The following TRPC4 variants were observed in gnomAD, a reference collection of about 807,000 sequenced individuals.
TRPC4 encodes the protein transient receptor potential cation channel subfamily C member 4.
Under a neutral mutation model 99.4 loss-of-function variants are expected in TRPC4, and 49 were observed. The observed-to-expected ratio is 0.49, with a 90% CI of 0.39 to 0.63. The LOEUF is 0.63. Among genes scored for constraint, TRPC4 ranks in the 20% least tolerant of loss-of-function variants. The pLI is 0.00. For missense variants in TRPC4, 898 were observed against 1,152.9 expected (o/e 0.78, Z 3.20); for synonymous variants, 454 against 425.9 (o/e 1.07, Z -0.81).
chr13:37,728,516 G>A (rs1226767434), intron 3 of TRPC4, among the ~76,000 whole-genome samples: 1 of 151,966 alleles, frequency 6.6e-6, no homozygotes, highest in Non-Finnish European at 1.5e-5. Context: ...TGAAACATTG[G>A]TGGAGGAAAT....
intron 3 of TRPC4, among the ~76,000 whole-genome samples, chr13:37,703,904 T>C (rs1429095660): frequency 6.6e-6 from 1 of 152,078 alleles, no homozygotes; most frequent in Non-Finnish European, 1.5e-5. Flanking sequence ...TAAAAACACT[T>C]GACTACAAAT....
intron 3 of TRPC4, among the ~76,000 whole-genome samples, chr13:37,710,818 G>A (rs1477201263): frequency 6.6e-6 from 1 of 151,768 alleles, no homozygotes; most frequent in African/African-American, 2.4e-5. Context: ...TTTCAATTAG[G>A]AAAGGGAAAA....
In TRPC4 at chr13:37,663,598, C is replaced by T. The variant is rs1178802875; in HGVS notation, c.1506G>A (p.Leu502=). 1 of 1,613,982 alleles carries T rather than the reference C, an allele frequency of 6.2e-7. No individual in the cohort carries two copies. The highest frequency in any genetic ancestry group is 8.5e-7 in the Non-Finnish European group (1 of 1,180,010). ...TTCCCAGAGATATTTGCAGAGGTCCCAGGTGAGAATTTGCAGTAAACAGTG... is the reference window on the plus strand; with the variant it reads ...TTCCCAGAGATATTTGCAGAGGTCCTAGGTGAGAATTTGCAGTAAACAGTG... ...LISLFTANSH[L]GPLQISLGRM... Residue 502 remains leucine, a synonymous_variant, in exon 6 of 11, where the codon CTG becomes CTA. Coordinates refer to ENST00000379705, the MANE Select transcript of TRPC4 (RefSeq NM_016179.4).
chr13:37,825,547 G>A (rs1218733133), intron 1 of TRPC4, among the ~76,000 whole-genome samples: 1 of 151,010 alleles, frequency 6.6e-6, no homozygotes, highest in Non-Finnish European at 1.5e-5. Flanking sequence ...AGTCATTCAG[G>A]AGCAGGTTGT....
chr13:37,671,859 G>A (rs1219273445), intron 5 of TRPC4, among the ~76,000 whole-genome samples: 1 of 152,080 alleles, frequency 6.6e-6, no homozygotes, highest in Admixed American at 6.5e-5. Flanking sequence ...CTTCAGAAAG[G>A]ACATGTTGTA....
chr13:37,811,646 T>C (rs1593796855), intron 1 of TRPC4, among the ~76,000 whole-genome samples: 1 of 152,138 alleles, frequency 6.6e-6, no homozygotes, highest in South Asian at 2.1e-4. Flanking sequence ...CACATACATA[T>C]AAGGAATTAC....
At chr13:37,854,785 A>G (rs779222601) in intron 1 of TRPC4, 2 of 152,056 alleles carry the variant, frequency 1.3e-5, no homozygotes, top group African/African-American at 4.8e-5. Flanking sequence ...AACTTAAATC[A>G]TAACACCATA....
At chr13:37,842,671 A>C (rs542360279) in intron 1 of TRPC4, among the ~76,000 whole-genome samples, 2 of 152,246 alleles carry the variant, frequency 1.3e-5, no homozygotes, top group East Asian at 3.9e-4. Flanking sequence ...CTCTCTAGGG[A>C]ACTTTTGTAA....
chr13:37,751,227 G>A (rs1955924470), intron 2 of TRPC4, among the ~76,000 whole-genome samples: 1 of 152,028 alleles, frequency 6.6e-6, no homozygotes, highest in South Asian at 2.1e-4. Context: ...GTATCCTCCG[G>A]AGCTCCTGTT....
chr13:37,849,668 T>C (rs977085479), intron 1 of TRPC4, among the ~76,000 whole-genome samples: 5 of 152,130 alleles, frequency 3.3e-5, no homozygotes, highest in African/African-American at 7.2e-5. Context: ...CTGGAAGGGA[T>C]TGTGGAAAAC....
chr13:37,679,162 G>A (rs866072633), intron 4 of TRPC4, among the ~76,000 whole-genome samples: 3 of 151,918 alleles, frequency 2.0e-5, no homozygotes, highest in Admixed American at 2.0e-4. Flanking sequence ...GCAATAAATG[G>A]GCATGAATGT....
At chr13:37,648,291 T>A (rs1289957951) in intron 8 of TRPC4, among the ~76,000 whole-genome samples, 1 of 152,190 alleles carries the variant, frequency 6.6e-6, no homozygotes. Flanking sequence ...TACCTATCAT[T>A]TATTTTCATA....
intron 1 of TRPC4, among the ~76,000 whole-genome samples, chr13:37,785,130 A>C (rs539752572): frequency 2.0e-5 from 3 of 152,242 alleles, no homozygotes; most frequent in Admixed American, 6.6e-5. Flanking sequence ...GGAGAATTTA[A>C]TATTCCCCCA....
At chr13:37,756,863 C>G (rs1042664709) in intron 2 of TRPC4, among the ~76,000 whole-genome samples, 1 of 151,772 alleles carries the variant, frequency 6.6e-6, no homozygotes, top group Non-Finnish European at 1.5e-5. Context: ...GATTTGATGT[C>G]TGATGAAACA....
intron 3 of TRPC4, among the ~76,000 whole-genome samples, chr13:37,701,618 A>G (rs114978193): frequency 6.6e-6 from 1 of 152,084 alleles, no homozygotes; most frequent in Non-Finnish European, 1.5e-5. Flanking sequence ...CATCCCAGTA[A>G]GTAAGGACAA....
intron 1 of TRPC4, among the ~76,000 whole-genome samples, chr13:37,840,144 T>C (rs566088722): frequency 6.6e-6 from 1 of 152,286 alleles, no homozygotes; most frequent in East Asian, 1.9e-4. Flanking sequence ...AGAGGTTGAT[T>C]ACAGAATAAA....
intron 6 of TRPC4, 86 bp from the exon 7 acceptor site, chr13:37,655,369 A>ATATG: frequency 2.6e-6 from 1 of 384,578 alleles, no homozygotes; most frequent in Non-Finnish European, 4.0e-6. Context: ...GCATGATTAT[A>ATATG]TATATATATA....
chr13:37,684,884 T>C (rs1809115352), intron 4 of TRPC4, among the ~76,000 whole-genome samples: 1 of 151,626 alleles, frequency 6.6e-6, no homozygotes, highest in Non-Finnish European at 1.5e-5. Context: ...AATTTAACTT[T>C]AGAACATAGC....
rs373775005 is a variant in TRPC4 at position 37,767,732 on chromosome 13, A to G, written c.378+15224T>C. 5.9e-5 allele frequency among the ~76,000 whole-genome samples: 9 copies of G among 151,520 alleles called. No homozygotes were observed. The East Asian group carries it at 1.8e-3, about 30-fold the overall frequency. ...TAATCTTGCCAGATTGTACTTTGCC[A>G]GATTTTACTTTCATGAATAATTATA... On this transcript the variant is annotated intron_variant, in intron 2 of 10. Transcript: ENST00000379705.
Sources: allele counts gnomAD v4.1 joint callset (sites outside exome capture counted in the v4.1 genomes callset), GRCh38; gene constraint gnomAD v4.1.1; transcripts MANE v1.5; gene names NCBI Gene and HGNC (gene_info 2026-07-23, HGNC 2026-07-21).